The following NPR3 variants were observed in gnomAD, a reference collection of about 807,000 sequenced individuals.
The protein encoded by NPR3 is natriuretic peptide receptor 3.
A neutral mutation model predicts 54.5 loss-of-function variants in NPR3; 34 were observed. The observed-to-expected ratio is 0.62, with a 90% CI of 0.47 to 0.83. The LOEUF (loss-of-function observed/expected upper bound fraction) is 0.83. NPR3 is among the 40% of genes least tolerant of loss of function. The pLI is 0.00. For missense variants in NPR3, 674 were observed against 720.8 expected (o/e 0.94, Z 0.74); for synonymous variants, 289 against 297.1 (o/e 0.97, Z 0.28).
At chr5:32,770,632 T>C (rs928945894) in intron 3 of NPR3, among the ~76,000 whole-genome samples, 11 of 152,152 alleles carry the variant, frequency 7.2e-5, no homozygotes, top group African/African-American at 2.7e-4. Flanking sequence ...GCGAGGCCCA[T>C]GTCATAACTT....
chr5:32,722,423 C>A (rs1008577363), intron 1 of NPR3, among the ~76,000 whole-genome samples: 32 of 152,210 alleles, frequency 2.1e-4, no homozygotes, highest in Non-Finnish European at 4.0e-4. Context: ...ATATTCATAA[C>A]CATCCTGGAC....
At chr5:32,692,234 C>T (rs546645132) in intron 1 of NPR3, among the ~76,000 whole-genome samples, 134 of 152,116 alleles carry the variant, frequency 8.8e-4, no homozygotes, top group Non-Finnish European at 1.6e-3. Context: ...AAAATGTGTA[C>T]ACTTATATAT....
chr5:32,768,689 G>T (rs1171028961), intron 3 of NPR3, among the ~76,000 whole-genome samples: 5 of 152,152 alleles, frequency 3.3e-5, no homozygotes. Flanking sequence ...GTCTGTTCTA[G>T]GTCATGAGAG....
chr5:32,703,783 G>A (rs921938238), intron 1 of NPR3, among the ~76,000 whole-genome samples: 2 of 152,208 alleles, frequency 1.3e-5, no homozygotes, highest in African/African-American at 4.8e-5. Flanking sequence ...GAAGGAAGGA[G>A]TCTCTTGTGG....
chr5:32,695,755 G>T (rs995494109), intron 1 of NPR3, among the ~76,000 whole-genome samples: 1 of 152,268 alleles, frequency 6.6e-6, no homozygotes. Context: ...GTTTTGATTT[G>T]CATTTCTCTG....
intron 3 of NPR3, among the ~76,000 whole-genome samples, chr5:32,764,174 GT>G (rs2112021429): frequency 6.6e-6 from 1 of 152,270 alleles, no homozygotes; most frequent in Admixed American, 6.5e-5. Flanking sequence ...CTTCGTGCAT[GT>G]GCAGTTTAGG....
chr5:32,750,537 A>G (rs75809650), intron 3 of NPR3, among the ~76,000 whole-genome samples: 1 of 152,144 alleles, frequency 6.6e-6, no homozygotes, highest in East Asian at 1.9e-4. Flanking sequence ...GATTTTAGAA[A>G]GAATCTGTGT....
chr5:32,727,263 A>G (rs1225490661), intron 2 of NPR3, among the ~76,000 whole-genome samples: 1 of 152,060 alleles, frequency 6.6e-6, no homozygotes, highest in Non-Finnish European at 1.5e-5. Context: ...AGTAGCTGGG[A>G]CTACAGGCAT....
chr5:32,706,028 C>T (rs965107503), upstream of NPR3, among the ~76,000 whole-genome samples: 11 of 152,040 alleles, frequency 7.2e-5, no homozygotes, highest in Non-Finnish European at 1.0e-4. Context: ...ATGTCAGTGG[C>T]GGGGCCTGGT....
chr5:32,731,608 T>C (rs1739451683), intron 2 of NPR3, among the ~76,000 whole-genome samples: 1 of 152,258 alleles, frequency 6.6e-6, no homozygotes, highest in East Asian at 1.9e-4. Context: ...AGTCCTAGTT[T>C]ACTTTTACCA....
At chr5:32,743,787 T>C (rs1400407673) in intron 3 of NPR3, among the ~76,000 whole-genome samples, 1 of 152,082 alleles carries the variant, frequency 6.6e-6, no homozygotes, top group Non-Finnish European at 1.5e-5. Context: ...GCTACATGTG[T>C]GTGGTGTGAT....
At chr5:32,750,254 G>T (rs979181199) in intron 3 of NPR3, among the ~76,000 whole-genome samples, 2 of 152,214 alleles carry the variant, frequency 1.3e-5, no homozygotes, top group Non-Finnish European at 1.5e-5. Flanking sequence ...TCAGCCTCCC[G>T]TGTAGCTGGG....
chr5:32,771,217 G>T (rs1404485930), intron 3 of NPR3, among the ~76,000 whole-genome samples: 1 of 152,118 alleles, frequency 6.6e-6, no homozygotes, highest in Admixed American at 6.5e-5. Context: ...GAGGTCCTGT[G>T]GGGTAGGTGT....
intron 7 of NPR3, among the ~76,000 whole-genome samples, chr5:32,785,991 G>A (rs920511036): frequency 2.6e-5 from 4 of 152,182 alleles, no homozygotes; most frequent in African/African-American, 7.2e-5. Flanking sequence ...AACCCCCAAG[G>A]CACCCAGGGA....
intron 3 of NPR3, among the ~76,000 whole-genome samples, chr5:32,743,469 G>A (rs756876660): frequency 3.2e-4 from 49 of 151,578 alleles, no homozygotes; most frequent in African/African-American, 1.0e-3. Flanking sequence ...TATCAAATGC[G>A]TATTCTTACA....
intron 3 of NPR3, among the ~76,000 whole-genome samples, chr5:32,753,170 G>C (rs539456784): frequency 1.3e-5 from 2 of 152,284 alleles, no homozygotes; most frequent in South Asian, 4.1e-4. Flanking sequence ...CTGAAAGGTA[G>C]TCACTGTTTT....
At chr5:32,717,507 C>T (rs1478954994) in intron 1 of NPR3, among the ~76,000 whole-genome samples, 1 of 152,214 alleles carries the variant, frequency 6.6e-6, no homozygotes, top group Admixed American at 6.5e-5. Context: ...CACATCCTCT[C>T]CAGCATCTGT....
Position 32,788,790 on chromosome 5 carries a change from C to T in NPR3, c.*2445C>T, listed in dbSNP as rs1056587135. 4.6e-5 allele frequency: 7 copies of T among 152,162 alleles called. No homozygotes were observed. The highest frequency in any genetic ancestry group is 1.7e-4 in the African/African-American group (7 of 41,436). 9.4% of individuals were successfully genotyped at this position (152,162 alleles called of 1,614,324 possible). On this transcript the variant is annotated 3_prime_UTR_variant, in exon 8 of 8. Coordinates refer to ENST00000265074, the MANE Select transcript of NPR3 (RefSeq NM_001204375.2). ...GAACAAATCATGAGGTTTCTGGATG[C>T]TATACCAATTTAAAATCAATTCTTA...
intron 3 of NPR3, among the ~76,000 whole-genome samples, chr5:32,771,832 A>G (rs1173736): frequency 0.38 from 57,750 of 151,884 alleles, 13,784 homozygotes; most frequent in African/African-American, 0.69. Context: ...GTAAGAAGGG[A>G]ATTTGATCAG....
Sources: gnomAD v4.1 joint callset for allele counts (sites outside exome capture counted in the v4.1 genomes callset) on GRCh38, gnomAD v4.1.1 for gene constraint, MANE v1.5 for transcripts, NCBI Gene and HGNC (gene_info 2026-07-23, HGNC 2026-07-21) for gene names.